Variants in SLC4A10 observed in about 807,000 individuals in gnomAD.
SLC4A10 encodes sodium-driven chloride bicarbonate exchanger.
SLC4A10 carries 42 observed loss-of-function variants against 137.7 expected under a neutral mutation model. The observed-to-expected ratio is 0.30, with a 90% CI of 0.24 to 0.39. The LOEUF (loss-of-function observed/expected upper bound fraction) is 0.39. SLC4A10 is among the 10% of genes least tolerant of loss of function. The probability of loss-of-function intolerance (pLI) is 1.00; values close to 1 mark genes in which losing one functional copy is unlikely to be tolerated. For missense variants in SLC4A10, 925 were observed against 1,355.0 expected, an observed-to-expected ratio of 0.68 and a Z score of 4.98; for synonymous variants, 474 against 464.1, an observed-to-expected ratio of 1.02 and a Z score of -0.27.
intron 23 of SLC4A10, among the ~76,000 whole-genome samples, 193 bp from the exon 24 acceptor site, chr2:161,974,056 G>A (rs1190992278): frequency 1.3e-5 from 2 of 152,172 alleles, no homozygotes; most frequent in African/African-American, 4.8e-5. Flanking sequence ...TGTGTTATGA[G>A]ACTCTCATTA....
intron 1 of SLC4A10, among the ~76,000 whole-genome samples, chr2:161,699,751 T>C (rs986850370): frequency 6.6e-6 from 1 of 152,198 alleles, no homozygotes; most frequent in East Asian, 1.9e-4. Flanking sequence ...TCATGGAAGA[T>C]GTTCTTTGTT....
At chr2:161,813,963 G>A (rs1054677165) in intron 3 of SLC4A10, among the ~76,000 whole-genome samples, 1 of 152,040 alleles carries the variant, frequency 6.6e-6, no homozygotes, top group East Asian at 1.9e-4. Flanking sequence ...TGATTCTTCT[G>A]TGGAGCTGTT....
intron 1 of SLC4A10, among the ~76,000 whole-genome samples, chr2:161,637,105 A>T (rs1196032406): frequency 6.4e-5 from 8 of 125,244 alleles, no homozygotes; most frequent in Non-Finnish European, 1.8e-5. Flanking sequence ...GTATATACGT[A>T]TTTATGTATA....
chr2:161,767,117 ATATATATATATATATATATATATG>A (rs1410023172), intron 1 of SLC4A10, among the ~76,000 whole-genome samples: 24 of 99,794 alleles, frequency 2.4e-4, no homozygotes, highest in African/African-American at 7.3e-4. Context: ...ATATATATAT[ATATATATATATATATATATATATG>A]TGTGTGTGTG....
At chr2:161,796,310 T>G (rs997930570) in intron 2 of SLC4A10, among the ~76,000 whole-genome samples, 66 of 152,284 alleles carry the variant, frequency 4.3e-4, no homozygotes, top group African/African-American at 1.6e-3. Flanking sequence ...GCTAGTTAGT[T>G]CTTCTAATGT....
In SLC4A10 at chr2:161,755,845, A is replaced by G. The variant is rs1285178789; in HGVS notation, c.49-15128A>G. Among the ~76,000 whole-genome samples the G allele has an allele frequency of 7.4e-5, 11 of 148,916 alleles. No individual in the cohort carries two copies. The East Asian group carries it at 2.0e-3, about 27-fold the overall frequency. On this transcript the variant is annotated intron_variant, in intron 1 of 26. Transcript: ENST00000446997. ...GAGTGCAATGGCGCAATCTCGGCTC[A>G]CTGCAACCTCTGCCTCCCAGGTAAA...
At chr2:161,825,232 T>C (rs1199057261) in intron 3 of SLC4A10, among the ~76,000 whole-genome samples, 1 of 152,192 alleles carries the variant, frequency 6.6e-6, no homozygotes, top group South Asian at 2.1e-4. Context: ...CTTTAAGACC[T>C]GTGTTATTCA....
intron 26 of SLC4A10, 69 bp downstream of exon 26, chr2:161,977,829 C>T (rs1173028699): frequency 5.5e-6 from 8 of 1,462,092 alleles, no homozygotes; most frequent in Non-Finnish European, 7.4e-6. Flanking sequence ...CTTCTAGAAA[C>T]CTGGTCAGTC....
At chr2:161,669,991 A>G (rs1574241691) in intron 1 of SLC4A10, among the ~76,000 whole-genome samples, 1 of 152,078 alleles carries the variant, frequency 6.6e-6, no homozygotes, top group East Asian at 1.9e-4. Flanking sequence ...TCCATTGCCT[A>G]CTGTCTGTGT....
At chr2:161,964,649 A>T (rs890917992) in intron 22 of SLC4A10, among the ~76,000 whole-genome samples, 1 of 152,176 alleles carries the variant, frequency 6.6e-6, no homozygotes, top group Non-Finnish European at 1.5e-5. Flanking sequence ...TGTTTCAGGC[A>T]AGTTTCAAAT....
chr2:161,884,109 C>A (rs2062032525), intron 10 of SLC4A10, among the ~76,000 whole-genome samples: 1 of 152,136 alleles, frequency 6.6e-6, no homozygotes, highest in Admixed American at 6.6e-5. Flanking sequence ...TAGCAGAACT[C>A]TCTCTGAGAA....
intron 10 of SLC4A10, among the ~76,000 whole-genome samples, chr2:161,890,383 G>A (rs1157795555): frequency 6.6e-6 from 1 of 152,136 alleles, no homozygotes; most frequent in Non-Finnish European, 1.5e-5. Context: ...AATATTGACA[G>A]TAGGGTGTTA....
intron 1 of SLC4A10, among the ~76,000 whole-genome samples, chr2:161,672,420 A>G (rs1374199445): frequency 1.3e-5 from 2 of 152,094 alleles, no homozygotes; most frequent in East Asian, 3.9e-4. Context: ...CAAATTAGAG[A>G]CCATATTGGG....
intron 1 of SLC4A10, among the ~76,000 whole-genome samples, chr2:161,652,999 CT>C (rs1472050660): frequency 5.3e-5 from 8 of 152,256 alleles, no homozygotes; most frequent in Admixed American, 1.3e-4. Context: ...TATCCCTCCC[CT>C]ATCCCCCAAT....
intron 21 of SLC4A10, among the ~76,000 whole-genome samples, chr2:161,962,496 G>C (rs1559637292): frequency 6.6e-6 from 1 of 152,084 alleles, no homozygotes. Flanking sequence ...CATGCACCAA[G>C]TTTTTGTTTA....
At chr2:161,720,722 A>G (rs1018949732) in intron 1 of SLC4A10, among the ~76,000 whole-genome samples, 4 of 150,940 alleles carry the variant, frequency 2.7e-5, no homozygotes, top group African/African-American at 9.8e-5. Context: ...TCTGCTTTCC[A>G]TTTGCTTGGT....
At chr2:161,923,275 A>T (rs528896074) in intron 15 of SLC4A10, among the ~76,000 whole-genome samples, 9 of 152,360 alleles carry the variant, frequency 5.9e-5, no homozygotes, top group African/African-American at 1.4e-4. Context: ...TTTAAGCCAA[A>T]TAATTCAGCA....
chr2:161,710,498 T>A (rs1234983017), intron 1 of SLC4A10: 1 of 229,344 alleles, frequency 4.4e-6, no homozygotes, highest in African/African-American at 2.3e-5. Context: ...AGAATTGTCA[T>A]TTCTGTCACA....
chr2:161,813,951 G>T (rs1480494158), intron 3 of SLC4A10, among the ~76,000 whole-genome samples: 1 of 151,988 alleles, frequency 6.6e-6, no homozygotes, highest in Admixed American at 6.6e-5. Context: ...AGTACCCCCA[G>T]GTGATTCTTC....
Sources: allele counts gnomAD v4.1 joint callset (sites outside exome capture counted in the v4.1 genomes callset), GRCh38; gene constraint gnomAD v4.1.1; transcripts MANE v1.5; gene names NCBI Gene and HGNC (gene_info 2026-07-23, HGNC 2026-07-21).